The following TRPC7 variants were observed in gnomAD, a reference collection of about 807,000 sequenced individuals.
TRPC7 encodes transient receptor potential cation channel subfamily C member 7.
Under a neutral mutation model 90.1 loss-of-function variants are expected in TRPC7, and 42 were observed. That is an observed-to-expected ratio of 0.47 (90% confidence interval 0.36 to 0.60). TRPC7 has a LOEUF of 0.60. Ranked by LOEUF, TRPC7 falls within the 20% of genes least tolerant of loss-of-function variation. The pLI is 0.00. For missense variants in TRPC7, 955 were observed against 1,112.3 expected (o/e 0.86, Z 2.01); for synonymous variants, 451 against 436.3 (o/e 1.03, Z -0.42).
chr5:136,346,262 TGAACTATTCTTA>T (rs1222314668), intron 2 of TRPC7, among the ~76,000 whole-genome samples: 1 of 152,132 alleles, frequency 6.6e-6, no homozygotes, highest in Non-Finnish European at 1.5e-5. Flanking sequence ...ATTAAAAAAA[TGAACTATTCTTA>T]GATGGTGGAA....
chr5:136,280,433 C>T (rs996078611), intron 3 of TRPC7, among the ~76,000 whole-genome samples: 5 of 152,188 alleles, frequency 3.3e-5, no homozygotes, highest in Admixed American at 6.5e-5. Context: ...AATAGGTGCT[C>T]AATAAACTTC....
At chr5:136,338,248 G>A (rs184820384) in intron 2 of TRPC7, among the ~76,000 whole-genome samples, 2 of 152,288 alleles carry the variant, frequency 1.3e-5, no homozygotes, top group East Asian at 3.9e-4. Flanking sequence ...AAGCATTTGG[G>A]CAGTCGTTTT....
chr5:136,360,472 A>G (rs1454419543), intron 1 of TRPC7, among the ~76,000 whole-genome samples: 1 of 151,850 alleles, frequency 6.6e-6, no homozygotes, highest in East Asian at 1.9e-4. Flanking sequence ...ATTATGTTTT[A>G]TCAAAAAAAA....
intron 1 of TRPC7, among the ~76,000 whole-genome samples, chr5:136,358,493 C>A (rs1301580108): frequency 1.3e-5 from 2 of 152,130 alleles, no homozygotes; most frequent in African/African-American, 2.4e-5. Context: ...AGTAGGGGGG[C>A]TGAAAGACAG....
At chr5:136,231,318 G>T (rs1331763527) in intron 8 of TRPC7, 36 bp downstream of exon 8, 2 of 1,535,022 alleles carry the variant, frequency 1.3e-6, no homozygotes, top group South Asian at 1.3e-5. Flanking sequence ...TAAATTAGAT[G>T]AAGGAGAGCA....
chr5:136,296,844 C>T (rs547693344), intron 3 of TRPC7, among the ~76,000 whole-genome samples: 8 of 152,228 alleles, frequency 5.3e-5, no homozygotes, highest in East Asian at 3.9e-4. Flanking sequence ...ACCTGGAGGC[C>T]GTGTTCCATA....
chr5:136,254,907 T>C (rs567539052), intron 5 of TRPC7, among the ~76,000 whole-genome samples: 1 of 152,196 alleles, frequency 6.6e-6, no homozygotes, highest in South Asian at 2.1e-4. Context: ...AAGAAGTTGA[T>C]TCAAACCTTC....
At chr5:136,299,803 CTTG>C (rs1398749988) in intron 3 of TRPC7, among the ~76,000 whole-genome samples, 7 of 152,252 alleles carry the variant, frequency 4.6e-5, no homozygotes, top group African/African-American at 9.6e-5. Context: ...GAAGATGGCG[CTTG>C]TTGTTCTTTC....
chr5:136,346,111 A>G (rs1759995375), intron 2 of TRPC7, among the ~76,000 whole-genome samples: 1 of 152,174 alleles, frequency 6.6e-6, no homozygotes, highest in Admixed American at 6.5e-5. Flanking sequence ...GGACAGCATT[A>G]GGAGATATAC....
In TRPC7 at chr5:136,251,732, G is replaced by C; in HGVS notation, c.1496C>G (p.Ala499Gly). ...RFMAFLKATE[A>G]QLYVDQHVQD... is the part of the protein sequence containing the mutation. ...CACGTGCTGGTCCACGTACAGCTGTGCCTCCGTGGCCTTCAGGAAGGCCAT... is the reference window on the plus strand; with the variant it reads ...CACGTGCTGGTCCACGTACAGCTGTCCCTCCGTGGCCTTCAGGAAGGCCAT... Residue 499 changes from alanine (A) to glycine (G), a missense_variant, in exon 6 of 12, where the codon GCA becomes GGA. Coordinates refer to ENST00000513104, the MANE Select transcript of TRPC7 (RefSeq NM_020389.3). 1 of 1,613,946 alleles carries C rather than the reference G, an allele frequency of 6.2e-7. No homozygotes were observed. Among genetic ancestry groups the C allele is most frequent in the South Asian group, 1.1e-5 (1 of 91,066 alleles).
At chr5:136,355,434 T>C (rs571637185) in intron 2 of TRPC7, among the ~76,000 whole-genome samples, 1 of 152,358 alleles carries the variant, frequency 6.6e-6, no homozygotes, top group East Asian at 1.9e-4. Context: ...TGTCATATGG[T>C]TGCTGAGAAG....
At chr5:136,236,283 G>C (rs578004102) in intron 7 of TRPC7, among the ~76,000 whole-genome samples, 1 of 152,148 alleles carries the variant, frequency 6.6e-6, no homozygotes. Context: ...CCCAGCATAC[G>C]TACAGCCCCT....
intron 2 of TRPC7, among the ~76,000 whole-genome samples, chr5:136,352,416 G>A (rs1760220931): frequency 6.6e-6 from 1 of 152,088 alleles, no homozygotes; most frequent in Non-Finnish European, 1.5e-5. Context: ...ATTTGACTGG[G>A]AAGCAAATAA....
At chr5:136,225,804 A>G (rs1364666426) in intron 9 of TRPC7, among the ~76,000 whole-genome samples, 1 of 152,076 alleles carries the variant, frequency 6.6e-6, no homozygotes, top group Admixed American at 6.5e-5. Flanking sequence ...TGTCCCCAGC[A>G]GGGCACCTCT....
chr5:136,338,443 T>A (rs1759736247), intron 2 of TRPC7, among the ~76,000 whole-genome samples: 1 of 152,194 alleles, frequency 6.6e-6, no homozygotes, highest in Non-Finnish European at 1.5e-5. Context: ...ATAGGGAGTA[T>A]GAAAAAGTAT....
At chr5:136,274,172 T>C (rs1359337716) in intron 4 of TRPC7, among the ~76,000 whole-genome samples, 1 of 152,192 alleles carries the variant, frequency 6.6e-6, no homozygotes, top group Non-Finnish European at 1.5e-5. Flanking sequence ...GCATGAGCTG[T>C]GTTTGACTCC....
chr5:136,312,556 T>C (rs1235084178), intron 3 of TRPC7, among the ~76,000 whole-genome samples: 1 of 152,048 alleles, frequency 6.6e-6, no homozygotes. Context: ...GGAATGAAAC[T>C]CAGAGAGCTT....
At chr5:136,312,972 CTTTTTTTTTTTTTTT>C (rs34840823) in intron 3 of TRPC7, among the ~76,000 whole-genome samples, 1 of 97,058 alleles carries the variant, frequency 1.0e-5, no homozygotes, top group Non-Finnish European at 2.0e-5. Context: ...AGTAGTGATT[CTTTTTTTTTTTTTTT>C]TTTTTTTTTA....
chr5:136,300,667 C>T (rs368444630), intron 3 of TRPC7, among the ~76,000 whole-genome samples: 16 of 152,162 alleles, frequency 1.1e-4, no homozygotes, highest in Non-Finnish European at 1.5e-4. Flanking sequence ...CAAAGGGACA[C>T]GGGTCAGCAA....
Sources: gnomAD v4.1 joint callset for allele counts (sites outside exome capture counted in the v4.1 genomes callset) on GRCh38, gnomAD v4.1.1 for gene constraint, MANE v1.5 for transcripts, NCBI Gene and HGNC (gene_info 2026-07-23, HGNC 2026-07-21) for gene names.